Variants in STXBP5L observed in about 807,000 individuals in gnomAD.
The protein encoded by STXBP5L is syntaxin-binding protein 5-like.
A neutral mutation model predicts 144.5 loss-of-function variants in STXBP5L; 65 were observed. That is an observed-to-expected ratio of 0.45 (90% CI 0.37 to 0.55). The LOEUF is 0.55. Among genes scored for constraint, STXBP5L ranks in the 20% least tolerant of loss-of-function variants. The pLI is 0.00. For missense variants in STXBP5L, 1,298 were observed against 1,405.5 expected (o/e 0.92, Z 1.22); for synonymous variants, 505 against 469.6 (o/e 1.08, Z -0.97).
intron 18 of STXBP5L, among the ~76,000 whole-genome samples, chr3:121,272,246 A>G (rs541628902): frequency 2.0e-5 from 3 of 152,284 alleles, no homozygotes; most frequent in African/African-American, 7.2e-5. Context: ...CTTTTATTGA[A>G]TTGCCATTTG....
chr3:121,258,262 C>A (rs899275898), intron 17 of STXBP5L, among the ~76,000 whole-genome samples: 1 of 152,124 alleles, frequency 6.6e-6, no homozygotes, highest in Admixed American at 6.6e-5. Context: ...GAGAATTAAA[C>A]CTAAGCAGGG....
intron 9 of STXBP5L, among the ~76,000 whole-genome samples, chr3:121,187,685 A>C (rs2047453975): frequency 6.6e-6 from 1 of 152,172 alleles, no homozygotes; most frequent in Admixed American, 6.5e-5. Context: ...AAATTCACAC[A>C]TAACAATGTT....
At chr3:121,296,710 T>C (rs13324223) in intron 19 of STXBP5L, among the ~76,000 whole-genome samples, 15,076 of 151,938 alleles carry the variant, frequency 0.099, 1,171 homozygotes, top group Admixed American at 0.2. Flanking sequence ...ATAGACAGAC[T>C]GAAAGGAATA....
intron 2 of STXBP5L, among the ~76,000 whole-genome samples, chr3:120,912,794 G>C (rs1708913045): frequency 6.6e-6 from 1 of 151,884 alleles, no homozygotes; most frequent in Admixed American, 6.6e-5. Flanking sequence ...ATTTCAAATT[G>C]CTTACCTTGA....
In STXBP5L at chr3:121,028,119, C is replaced by G; in HGVS notation, c.288-13581C>G. ...AAATTAATTAATACAAGTATGTATT[C>G]AAAAATTGTATCTAAATTAATAGAA... On this transcript the variant is annotated intron_variant, in intron 3 of 26. Coordinates refer to ENST00000471454, the MANE Select transcript of STXBP5L (RefSeq NM_001308330.2). 2.0e-5 allele frequency among the ~76,000 whole-genome samples: 3 copies of G among 152,070 alleles called. No homozygotes were observed. In the South Asian group the frequency reaches 6.2e-4, roughly 32 times the overall value.
At chr3:121,250,624 CA>C (rs1401502033) in intron 14 of STXBP5L, 98 bp from the exon 15 acceptor site, 39 of 995,512 alleles carry the variant, frequency 3.9e-5, no homozygotes. Flanking sequence ...ATTTTTGAAT[CA>C]AAATTGTATC....
Position 121,205,911 on chromosome 3 carries a change from T to A in STXBP5L, c.878-12T>A, listed in dbSNP as rs778124207. ...TTTAAATTAGATTCAATTAAATATT[T>A]TTTTTCTTTAGGAAAAAGTCAAAGA... On this transcript the variant is annotated splice_polypyrimidine_tract_variant and intron_variant, in intron 9 of 26. Transcript: ENST00000471454. 5.8e-6 allele frequency: 8 copies of A among 1,371,778 alleles called. No homozygotes were observed. The highest frequency in any genetic ancestry group is 7.9e-6 in the Non-Finnish European group (8 of 1,013,788). 85.0% of individuals were successfully genotyped at this position (1,371,778 alleles called of 1,614,324 possible).
intron 3 of STXBP5L, among the ~76,000 whole-genome samples, chr3:121,014,576 T>C (rs1945008942): frequency 6.6e-6 from 1 of 151,490 alleles, no homozygotes; most frequent in Middle Eastern, 3.2e-3. Context: ...TGGACTTGTT[T>C]TTCTATCTTT....
intron 12 of STXBP5L, among the ~76,000 whole-genome samples, chr3:121,238,544 GA>G (rs1177050446): frequency 6.6e-6 from 1 of 151,964 alleles, no homozygotes; most frequent in Non-Finnish European, 1.5e-5. Flanking sequence ...CACTCCCATT[GA>G]AAGAAAGTCA....
rs139983949 is a variant in STXBP5L, at chr3:121,408,887, A to G, written c.2948+1284A>G. On this transcript the variant is annotated intron_variant, in intron 23 of 26. Coordinates refer to ENST00000471454, the MANE Select transcript of STXBP5L (RefSeq NM_001308330.2). ...AGTTGTTAAATCTCGAGGTTAGAAGAGAGTTTAAAGGTTAAAAATTTTTTT... is the reference window on the plus strand; with the variant it reads ...AGTTGTTAAATCTCGAGGTTAGAAGGGAGTTTAAAGGTTAAAAATTTTTTT... 1.7e-4 allele frequency among the ~76,000 whole-genome samples: 26 copies of G among 152,096 alleles called. No homozygotes were observed. The East Asian group carries it at 4.8e-3, about 28-fold the overall frequency.
At chr3:121,322,360 C>T (rs2043999577) in intron 20 of STXBP5L, among the ~76,000 whole-genome samples, 1 of 151,888 alleles carries the variant, frequency 6.6e-6, no homozygotes, top group Admixed American at 6.6e-5. Flanking sequence ...TGCCTGCAAT[C>T]CCAGCTACTA....
intron 5 of STXBP5L, among the ~76,000 whole-genome samples, chr3:121,103,779 A>G (rs756966018): frequency 4.6e-5 from 7 of 152,210 alleles, no homozygotes; most frequent in Non-Finnish European, 7.3e-5. Context: ...GGTTAAGAGA[A>G]AAGTTAGAGA....
intron 24 of STXBP5L, among the ~76,000 whole-genome samples, chr3:121,414,686 A>G (rs560455236): frequency 6.6e-6 from 1 of 152,230 alleles, no homozygotes; most frequent in Non-Finnish European, 1.5e-5. Flanking sequence ...AAAAAAGTGC[A>G]GAATTGGGAG....
intron 20 of STXBP5L, among the ~76,000 whole-genome samples, chr3:121,358,854 G>A (rs1312781514): frequency 6.6e-6 from 1 of 152,096 alleles, no homozygotes; most frequent in Admixed American, 6.6e-5. Flanking sequence ...GTACTCCATT[G>A]CATATATGTA....
chr3:121,375,068 G>T (rs946808694), intron 20 of STXBP5L, among the ~76,000 whole-genome samples: 7 of 151,942 alleles, frequency 4.6e-5, no homozygotes, highest in African/African-American at 1.7e-4. Context: ...TACTTACCAG[G>T]TACAGAGTAC....
At chr3:120,995,592 G>A (rs1943279090) in intron 3 of STXBP5L, among the ~76,000 whole-genome samples, 1 of 151,758 alleles carries the variant, frequency 6.6e-6, no homozygotes, top group Non-Finnish European at 1.5e-5. Context: ...TCTCTCGGTA[G>A]TACAATAAAC....
chr3:121,107,299 G>A (rs888685460), intron 5 of STXBP5L, among the ~76,000 whole-genome samples: 1 of 152,096 alleles, frequency 6.6e-6, no homozygotes, highest in Non-Finnish European at 1.5e-5. Flanking sequence ...CCGTGCCTAT[G>A]TCCTGAATGG....
At chr3:121,416,966 T>C (rs557573790) in intron 25 of STXBP5L, among the ~76,000 whole-genome samples, 21 of 152,214 alleles carry the variant, frequency 1.4e-4, no homozygotes, top group Admixed American at 3.3e-4. Flanking sequence ...CTTCATACAA[T>C]AGAATATTAT....
rs950876638 is a variant in STXBP5L, at chr3:121,032,146, GGAGT to G, written c.288-9549_288-9546del. ...AATTGAAGGCTGAGATGGCCCAGGA[GGAGT>G]GAGTAAGGTATGAAAAGAAGTAGGT... On this transcript the variant is annotated intron_variant, in intron 3 of 26. Coordinates refer to ENST00000471454, the MANE Select transcript of STXBP5L (RefSeq NM_001308330.2). Among the ~76,000 whole-genome samples the G allele has an allele frequency of 9.9e-4, 150 of 152,008 alleles. 1 individual carries two copies. The Middle Eastern group carries it at 0.014, about 14-fold the overall frequency.
Sources: gnomAD v4.1 joint callset for allele counts (sites outside exome capture counted in the v4.1 genomes callset) on GRCh38, gnomAD v4.1.1 for gene constraint, MANE v1.5 for transcripts, NCBI Gene and HGNC (gene_info 2026-07-23, HGNC 2026-07-21) for gene names.